Variants in DGKI observed in about 807,000 individuals in gnomAD.
The protein encoded by DGKI is diacylglycerol kinase iota, also known as DAG kinase iota.
A neutral mutation model predicts 147.5 loss-of-function variants in DGKI; 55 were observed. The ratio of observed to expected loss-of-function variants is 0.37; its 90% CI spans 0.30 to 0.47. DGKI has a LOEUF of 0.47. DGKI is among the 20% of genes least tolerant of loss of function. The probability of loss-of-function intolerance (pLI) is 1.00; values close to 1 mark genes in which losing one functional copy is unlikely to be tolerated. For synonymous variants in DGKI, 469 were observed against 477.1 expected (o/e 0.98, Z 0.22); for missense variants, 1,007 against 1,323.8 (o/e 0.76, Z 3.71).
intron 15 of DGKI, among the ~76,000 whole-genome samples, chr7:137,579,188 C>G (rs1819091887): frequency 6.6e-6 from 1 of 151,944 alleles, no homozygotes; most frequent in African/African-American, 2.4e-5. Flanking sequence ...TTGTGTTACC[C>G]TTTAGGTATT....
At chr7:137,392,237 T>C (rs905109237) in intron 32 of DGKI, among the ~76,000 whole-genome samples, 4 of 149,876 alleles carry the variant, frequency 2.7e-5, no homozygotes, top group African/African-American at 7.3e-5. Context: ...CATATATTTG[T>C]ATATATATAT....
intron 12 of DGKI, among the ~76,000 whole-genome samples, 159 bp from the exon 13 acceptor site, chr7:137,587,369 G>A (rs1010781284): frequency 3.9e-5 from 6 of 152,258 alleles, no homozygotes; most frequent in Non-Finnish European, 5.9e-5. Context: ...CAGAAAGGTC[G>A]CTTATCACAG....
intron 1 of DGKI, among the ~76,000 whole-genome samples, chr7:137,782,744 C>A (rs528084287): frequency 1.3e-5 from 2 of 152,190 alleles, no homozygotes; most frequent in Non-Finnish European, 2.9e-5. Context: ...CCACTTTACT[C>A]CCCTGTCACT....
chr7:137,487,627 T>C lies in DGKI; in HGVS notation c.2311A>G (p.Ile771Val), dbSNP rs1371303195. 6 of 1,613,794 alleles carry C rather than the reference T, an allele frequency of 3.7e-6. No individual in the cohort carries two copies. The highest frequency in any genetic ancestry group is 1.7e-5 in the Admixed American group (1 of 59,998). ...AAACTCACCTCCTGTAGGCGGTCTA[T>C]GTACATACGGCAAGTCTCCAAATCA... ...DCDLETCRMYIDRLQEDLQSV... is the reference protein window; with the variant it reads ...DCDLETCRMYVDRLQEDLQSV... Residue 771 changes from isoleucine to valine, a missense_variant, in exon 22 of 33, where the codon ATA (isoleucine) becomes GTA (valine). Coordinates refer to ENST00000614521, the MANE Select transcript of DGKI (RefSeq NM_001321708.2).
At chr7:137,611,882 T>C (rs1820376026) in intron 8 of DGKI, among the ~76,000 whole-genome samples, 1 of 152,204 alleles carries the variant, frequency 6.6e-6, no homozygotes, top group Non-Finnish European at 1.5e-5. Context: ...GAAAGGATCC[T>C]TGGGAAGTGA....
chr7:137,514,727 C>T (rs1324678977), intron 21 of DGKI, among the ~76,000 whole-genome samples: 3 of 152,150 alleles, frequency 2.0e-5, no homozygotes, highest in Non-Finnish European at 4.4e-5. Context: ...AGCATTACCT[C>T]CAAAATGTAG....
intron 1 of DGKI, among the ~76,000 whole-genome samples, chr7:137,730,938 C>A (rs1794862406): frequency 6.6e-6 from 1 of 152,082 alleles, no homozygotes; most frequent in South Asian, 2.1e-4. Context: ...TCAGGATGCT[C>A]AGAGAAGCTT....
chr7:137,636,275 G>T (rs1821309595), intron 6 of DGKI, among the ~76,000 whole-genome samples: 1 of 152,216 alleles, frequency 6.6e-6, no homozygotes, highest in African/African-American at 2.4e-5. Context: ...CTAGTTGAGA[G>T]TGAGGTGAAT....
rs890663005 is a variant in DGKI, at chr7:137,382,563, C to T, written c.*8657G>A. 1 of 152,054 alleles carries T rather than the reference C, an allele frequency of 6.6e-6. No homozygotes were observed. Among genetic ancestry groups the T allele is most frequent in the Non-Finnish European group, 1.5e-5 (1 of 67,962 alleles). The allele number at this position is 152,054 out of a possible 1,614,324, so 9.4% of individuals were successfully genotyped here. On this transcript the variant is annotated 3_prime_UTR_variant, in exon 33 of 33. Transcript: ENST00000614521. ...TTTTCACAACTAATACCCCTTGAAG[C>T]CACTTTGAACAAATTTAATCTTTCT...
At chr7:137,452,760 C>G (rs1814023300) in intron 27 of DGKI, 1 of 152,262 alleles carries the variant, frequency 6.6e-6, no homozygotes, top group Non-Finnish European at 1.5e-5. Flanking sequence ...ACTTGTATTT[C>G]TTTTCCCCTC....
At chr7:137,549,873 G>A (rs1031976456) in intron 20 of DGKI, among the ~76,000 whole-genome samples, 1 of 152,122 alleles carries the variant, frequency 6.6e-6, no homozygotes, top group East Asian at 1.9e-4. Context: ...GAGCAATTAA[G>A]GTTTAGTAAG....
intron 1 of DGKI, among the ~76,000 whole-genome samples, chr7:137,728,481 C>T (rs936128654): frequency 1.3e-5 from 2 of 152,190 alleles, no homozygotes; most frequent in African/African-American, 4.8e-5. Flanking sequence ...AGCACTACTG[C>T]ATTCTCCTCC....
intron 1 of DGKI, among the ~76,000 whole-genome samples, chr7:137,832,944 C>T (rs1434663210): frequency 6.6e-6 from 1 of 152,216 alleles, no homozygotes; most frequent in African/African-American, 2.4e-5. Flanking sequence ...CAAAATGCCA[C>T]CAGTCTTTGC....
chr7:137,732,525 C>G (rs2116668625), intron 1 of DGKI, among the ~76,000 whole-genome samples: 1 of 152,174 alleles, frequency 6.6e-6, no homozygotes, highest in Non-Finnish European at 1.5e-5. Flanking sequence ...CCCCTTTCCA[C>G]AGTTTGGCAC....
At chr7:137,449,710 GA>G (rs1813875825) in intron 27 of DGKI, among the ~76,000 whole-genome samples, 1 of 152,118 alleles carries the variant, frequency 6.6e-6, no homozygotes, top group Non-Finnish European at 1.5e-5. Flanking sequence ...TACATAATAT[GA>G]AGTTTCCTCA....
chr7:137,830,044 A>C (rs1798173165), intron 1 of DGKI, among the ~76,000 whole-genome samples: 1 of 152,226 alleles, frequency 6.6e-6, no homozygotes. Context: ...GGAACATTCT[A>C]AAAGGGCATG....
chr7:137,757,060 A>AT (rs898043344), intron 1 of DGKI, among the ~76,000 whole-genome samples: 19 of 149,710 alleles, frequency 1.3e-4, no homozygotes, highest in East Asian at 5.9e-4. Flanking sequence ...ATTCTCCAGG[A>AT]TTTTTTTTTT....
chr7:137,582,258 G>A (rs1819222877), intron 14 of DGKI, among the ~76,000 whole-genome samples: 1 of 152,070 alleles, frequency 6.6e-6, no homozygotes, highest in African/African-American at 2.4e-5. Context: ...TAGTTACAGA[G>A]AAGAATTCAC....
chr7:137,806,679 C>T (rs1010445282), intron 1 of DGKI, among the ~76,000 whole-genome samples: 5 of 152,068 alleles, frequency 3.3e-5, no homozygotes, highest in South Asian at 2.1e-4. Context: ...GTGATCTGCC[C>T]GCCTCGGCCT....
Sources: allele counts gnomAD v4.1 joint callset (sites outside exome capture counted in the v4.1 genomes callset), GRCh38; gene constraint gnomAD v4.1.1; transcripts MANE v1.5; gene names NCBI Gene and HGNC (gene_info 2026-07-23, HGNC 2026-07-21).